Variants in SYNE2 observed in about 807,000 individuals in gnomAD.
SYNE2 encodes spectrin repeat containing nuclear envelope protein 2.
In SYNE2, 431 loss-of-function variants were observed where a neutral mutation model predicts 856.3. The ratio of observed to expected loss-of-function variants is 0.50; its 90% CI spans 0.47 to 0.55. SYNE2 has a LOEUF of 0.55. Among genes scored for constraint, SYNE2 ranks in the 20% least tolerant of loss-of-function variants. The pLI is 0.00. For synonymous variants in SYNE2, 2,923 were observed against 2,872.3 expected (o/e 1.02, Z -0.56); for missense variants, 8,129 against 8,023.2 (o/e 1.01, Z -0.50).
At chr14:63,909,276 T>C (rs1171504563) in intron 2 of SYNE2, 49 bp downstream of exon 2, 2 of 1,254,414 alleles carry the variant, frequency 1.6e-6, no homozygotes, top group African/African-American at 1.5e-5. Flanking sequence ...GGGGAAACCT[T>C]ACTTTTATCT....
rs2098716202 is a variant in SYNE2, at chr14:64,225,770, T to C, written c.*244T>C. The C allele has an allele frequency of 1.7e-6, 1 of 597,718 alleles. No homozygotes were observed. The highest frequency in any genetic ancestry group is 3.0e-6 in the Non-Finnish European group (1 of 334,938). The allele number at this position is 597,718 out of a possible 1,614,324, so 37.0% of individuals were successfully genotyped here. ...TATTTTGGCAGAACTAGTTGATTAGTTTAGGGATCTCTGGAAATGTCAGTT... is the reference window on the plus strand; with the variant it reads ...TATTTTGGCAGAACTAGTTGATTAGCTTAGGGATCTCTGGAAATGTCAGTT... On this transcript the variant is annotated 3_prime_UTR_variant, in exon 116 of 116. Coordinates refer to ENST00000555002, the MANE Select transcript of SYNE2 (RefSeq NM_182914.3).
At chr14:63,855,108 A>C (rs929343775) in intron 1 of SYNE2, among the ~76,000 whole-genome samples, 3 of 152,186 alleles carry the variant, frequency 2.0e-5, no homozygotes, top group Non-Finnish European at 4.4e-5. Context: ...TTATACCAGT[A>C]GATATTTTAC....
chr14:64,207,139 A>G (rs1490882360), intron 100 of SYNE2, among the ~76,000 whole-genome samples: 3 of 152,230 alleles, frequency 2.0e-5, no homozygotes, highest in Non-Finnish European at 4.4e-5. Context: ...TCTTCTGAAT[A>G]TAACCTGGTG....
rs142486598 is a variant in SYNE2, at chr14:64,033,861, A to G, written c.7221+2504A>G. Among the ~76,000 whole-genome samples the G allele has an allele frequency of 8.5e-4, 129 of 152,298 alleles. 1 individual carries two copies. Among genetic ancestry groups the G allele is most frequent in the African/African-American group, 2.9e-3 (121 of 41,562 alleles). On this transcript the variant is annotated intron_variant, in intron 45 of 115. Coordinates refer to ENST00000555002, the MANE Select transcript of SYNE2 (RefSeq NM_182914.3). ...GAATTGATGTCCTCAAATAATTTTC[A>G]TAAGTTTGGATACAGATAACTAGTT...
At chr14:63,899,479 G>A (rs1442736318) in intron 1 of SYNE2, among the ~76,000 whole-genome samples, 5 of 152,152 alleles carry the variant, frequency 3.3e-5, no homozygotes, top group African/African-American at 1.2e-4. Context: ...TGGGATTACA[G>A]GCATGAGTCA....
intron 96 of SYNE2, among the ~76,000 whole-genome samples, chr14:64,185,888 T>C (rs2098486946): frequency 6.6e-6 from 1 of 152,220 alleles, no homozygotes; most frequent in Admixed American, 6.5e-5. Context: ...TCTTTGCCAA[T>C]TAGAAAAGTT....
At chr14:63,840,322 A>T (rs1013186435) in intron 1 of SYNE2, among the ~76,000 whole-genome samples, 2 of 152,032 alleles carry the variant, frequency 1.3e-5, no homozygotes, top group African/African-American at 4.8e-5. Context: ...CAAAATAAGC[A>T]TTTTAGCATG....
At chr14:64,042,117 G>GTT (rs1567135286) in intron 45 of SYNE2, among the ~76,000 whole-genome samples, 4 of 152,102 alleles carry the variant, frequency 2.6e-5, no homozygotes, top group Non-Finnish European at 5.9e-5. Flanking sequence ...TAGTCTAACA[G>GTT]ATGAAAAATT....
At position 63,762,160 on chromosome 14, in the gene SYNE2, G is replaced by C. The variant is rs547292866; in HGVS notation, c.-305+174G>C. 123 of 332,386 alleles carry C rather than the reference G, an allele frequency of 3.7e-4. 1 individual carries two copies. The highest frequency in any genetic ancestry group is 2.5e-3 in the African/African-American group (118 of 46,448). 20.6% of individuals were successfully genotyped at this position (332,386 alleles called of 1,614,324 possible). Reference sequence around the variant, plus strand: ...AAAGCAAGTTAAAGTGGCCAGGCGCGGTGGCTCACGCCTGTAATCCCAGCA... The same window carrying C: ...AAAGCAAGTTAAAGTGGCCAGGCGCCGTGGCTCACGCCTGTAATCCCAGCA... On this transcript the variant is annotated intron_variant, in intron 1 of 23. Coordinates refer to the SYNE2 transcript ENST00000674003.
chr14:63,801,470 G>C (rs775330166), intron 1 of SYNE2, among the ~76,000 whole-genome samples: 1 of 152,128 alleles, frequency 6.6e-6, no homozygotes, highest in Non-Finnish European at 1.5e-5. Context: ...TCGGGAGTTC[G>C]AGACCTCGAG....
chr14:63,983,940 T>G (rs1342234304), intron 18 of SYNE2, 54 bp downstream of exon 18: 1 of 1,346,672 alleles, frequency 7.4e-7, no homozygotes, highest in Non-Finnish European at 1.0e-6. Flanking sequence ...AATTTAACTT[T>G]GCTATTAAAA....
chr14:63,974,703 CATG>C (rs2096516104), intron 11 of SYNE2, among the ~76,000 whole-genome samples: 1 of 149,338 alleles, frequency 6.7e-6, no homozygotes, highest in South Asian at 2.1e-4. Context: ...GGACTACAGA[CATG>C]ATCCACCATG....
chr14:63,989,956 T>C (rs761934288), intron 19 of SYNE2, among the ~76,000 whole-genome samples: 1 of 152,224 alleles, frequency 6.6e-6, no homozygotes, highest in Non-Finnish European at 1.5e-5. Context: ...GGCCGCAGCT[T>C]GGTTTTTATG....
intron 1 of SYNE2, among the ~76,000 whole-genome samples, chr14:63,843,454 CTTCT>C (rs758072041): frequency 3.3e-5 from 5 of 152,130 alleles, no homozygotes; most frequent in African/African-American, 7.2e-5. Flanking sequence ...TGTAATTAAA[CTTCT>C]TTGCTATATT....
chr14:64,003,614 C>T (rs990259620), intron 30 of SYNE2, among the ~76,000 whole-genome samples: 5 of 152,138 alleles, frequency 3.3e-5, no homozygotes, highest in Admixed American at 6.5e-5. Flanking sequence ...GAGTTACTTC[C>T]GATTCCCTTG....
chr14:64,224,001 C>A (rs142125940), intron 113 of SYNE2, among the ~76,000 whole-genome samples: 1 of 151,592 alleles, frequency 6.6e-6, no homozygotes, highest in African/African-American at 2.4e-5. Flanking sequence ...CCTTTTTGTC[C>A]GAAAAAGTCT....
Position 63,783,693 on chromosome 14 carries a change from G to T in SYNE2, c.-305+21707G>T, listed in dbSNP as rs71416310. ...ACATTCTACAAAATATCTGGCCAGA[G>T]GAGCAGTTCCAGACTAAAAGAGACC... On this transcript the variant is annotated intron_variant, in intron 1 of 23. Transcript: ENST00000674003. Among the ~76,000 whole-genome samples, 579 of 152,260 alleles carry T rather than the reference G, an allele frequency of 3.8e-3. 2 individuals are homozygous for T. Among genetic ancestry groups the T allele is most frequent in the Non-Finnish European group, 6.7e-3 (459 of 68,016 alleles).
intron 2 of SYNE2, among the ~76,000 whole-genome samples, chr14:63,930,241 G>A (rs957077868): frequency 2.0e-5 from 3 of 148,078 alleles, no homozygotes; most frequent in Non-Finnish European, 4.4e-5. Flanking sequence ...AGCCATGGTC[G>A]CACCACTGCA....
At chr14:63,879,355 C>T (rs1040378538) in intron 1 of SYNE2, among the ~76,000 whole-genome samples, 3 of 152,156 alleles carry the variant, frequency 2.0e-5, no homozygotes, top group Non-Finnish European at 4.4e-5. Flanking sequence ...GTAGAATCAG[C>T]CCCAGTGAAC....
Sources: gnomAD v4.1 joint callset for allele counts (sites outside exome capture counted in the v4.1 genomes callset) on GRCh38, gnomAD v4.1.1 for gene constraint, MANE v1.5 for transcripts, NCBI Gene and HGNC (gene_info 2026-07-23, HGNC 2026-07-21) for gene names.